The following REC114 variants were observed in gnomAD, a reference collection of about 807,000 sequenced individuals.
REC114 encodes meiotic recombination protein REC114.
In REC114, 27 loss-of-function variants were observed where a neutral mutation model predicts 31.3. The observed-to-expected ratio is 0.86, with a 90% CI of 0.64 to 1.19. REC114 has a LOEUF of 1.19. REC114 is among the 50% of genes most tolerant of loss of function. The pLI, the probability that REC114 is intolerant of heterozygous loss-of-function variation, is 0.00. For missense variants in REC114, 344 were observed against 326.9 expected (o/e 1.05, Z -0.40); for synonymous variants, 134 against 127.7 (o/e 1.05, Z -0.33).
At chr15:73,458,013 G>A (rs924463449) in intron 1 of REC114, among the ~76,000 whole-genome samples, 5 of 152,108 alleles carry the variant, frequency 3.3e-5, no homozygotes, top group African/African-American at 9.7e-5. Flanking sequence ...GTCTTTTGGG[G>A]TGCTTCTTGA....
At chr15:73,472,492 A>G (rs949345011) in intron 1 of REC114, among the ~76,000 whole-genome samples, 5 of 152,252 alleles carry the variant, frequency 3.3e-5, no homozygotes, top group East Asian at 1.9e-4. Flanking sequence ...GTATGAAACT[A>G]TAAGAGCATT....
chr15:73,538,560 C>CT (rs1275372862), intron 2 of REC114, among the ~76,000 whole-genome samples: 1 of 151,188 alleles, frequency 6.6e-6, no homozygotes, highest in African/African-American at 2.4e-5. Context: ...GGGTTCACGC[C>CT]TTTCTCCTAC....
intron 1 of REC114, among the ~76,000 whole-genome samples, chr15:73,471,713 T>G (rs1893135084): frequency 6.6e-6 from 1 of 151,834 alleles, no homozygotes; most frequent in Non-Finnish European, 1.5e-5. Context: ...ACAAGAGACA[T>G]ATGTAAGAAT....
chr15:73,497,179 T>G (rs1893540447), intron 2 of REC114, among the ~76,000 whole-genome samples: 1 of 152,194 alleles, frequency 6.6e-6, no homozygotes. Context: ...TTTTGAAGTA[T>G]GAAAATACCT....
intron 2 of REC114, among the ~76,000 whole-genome samples, chr15:73,539,530 T>G (rs1414248994): frequency 1.3e-5 from 2 of 150,288 alleles, no homozygotes; most frequent in African/African-American, 4.9e-5. Flanking sequence ...GGTTGTAAAT[T>G]TCTATGAAAG....
At chr15:73,474,803 G>C (rs887613955) in intron 2 of REC114, among the ~76,000 whole-genome samples, 1 of 152,092 alleles carries the variant, frequency 6.6e-6, no homozygotes, top group African/African-American at 2.4e-5. Context: ...ATTCTTTTTG[G>C]ATCACTTACA....
chr15:73,492,921 T>C (rs1451487372), intron 2 of REC114, among the ~76,000 whole-genome samples: 1 of 152,202 alleles, frequency 6.6e-6, no homozygotes, highest in Non-Finnish European at 1.5e-5. Flanking sequence ...TTGTGAAGTA[T>C]CTGTTGCAAT....
intron 2 of REC114, among the ~76,000 whole-genome samples, chr15:73,496,646 C>A (rs1893530994): frequency 6.8e-6 from 1 of 146,420 alleles, no homozygotes; most frequent in Non-Finnish European, 1.5e-5. Context: ...CGGTGAGACT[C>A]CATCCAAAAA....
At chr15:73,536,519 G>GAGCA (rs1894159120) in intron 2 of REC114, among the ~76,000 whole-genome samples, 1 of 152,178 alleles carries the variant, frequency 6.6e-6, no homozygotes, top group African/African-American at 2.4e-5. Flanking sequence ...TGAGAACACA[G>GAGCA]AGCAGGTCAC....
At chr15:73,527,596 A>T (rs960705274) in intron 2 of REC114, among the ~76,000 whole-genome samples, 3 of 152,182 alleles carry the variant, frequency 2.0e-5, no homozygotes, top group Admixed American at 2.0e-4. Flanking sequence ...ACTGTCTGAA[A>T]ATAGTTGCTT....
rs201594626 is a variant in REC114, at chr15:73,551,119, A to T, written c.515A>T (p.Asp172Val). ...AGGGCAACTGAAAGTCAAGGGAAGG[A>T]TTCTGCAAAGAGTGTCCCACGGCAG... ...PPRATESQGK[D>V]SAKSVPRQPG... Residue 172 changes from aspartate (D) to valine (V), a missense_variant, in exon 4 of 6, where the codon GAT (aspartate) becomes GTT (valine). Physicochemically the swap from Asp to Val is radical, Grantham distance 152. Coordinates refer to ENST00000331090, the MANE Select transcript of REC114 (RefSeq NM_001042367.2). 5 of 1,611,708 alleles carry T rather than the reference A, an allele frequency of 3.1e-6. No homozygotes were observed. Among genetic ancestry groups the T allele is most frequent in the Non-Finnish European group, 3.4e-6 (4 of 1,178,932 alleles).
intron 2 of REC114, among the ~76,000 whole-genome samples, chr15:73,474,552 T>C (rs1239296321): frequency 6.6e-6 from 1 of 152,198 alleles, no homozygotes; most frequent in Non-Finnish European, 1.5e-5. Context: ...AGTTATTATA[T>C]CATTTAGCTG....
At chr15:73,549,469 C>T (rs994360518) in intron 3 of REC114, among the ~76,000 whole-genome samples, 5 of 152,100 alleles carry the variant, frequency 3.3e-5, no homozygotes, top group Non-Finnish European at 5.9e-5. Flanking sequence ...TTTTTAAATA[C>T]ACGAGTATGG....
At chr15:73,526,063 C>A (rs1007536155) in intron 2 of REC114, among the ~76,000 whole-genome samples, 3 of 152,126 alleles carry the variant, frequency 2.0e-5, no homozygotes, top group African/African-American at 2.4e-5. Flanking sequence ...TAATTTAACC[C>A]TTTATCATAA....
At chr15:73,551,272 C>A in intron 4 of REC114, 122 bp downstream of exon 4, 1 of 1,002,584 alleles carries the variant, frequency 1.0e-6, no homozygotes. Context: ...CATCTATGTT[C>A]GGTGACTTTT....
At chr15:73,454,485 G>C (rs1219435697) in intron 1 of REC114, among the ~76,000 whole-genome samples, 2 of 152,130 alleles carry the variant, frequency 1.3e-5, no homozygotes, top group Non-Finnish European at 2.9e-5. Flanking sequence ...TATGATTAGA[G>C]AAAGGGCACA....
intron 2 of REC114, among the ~76,000 whole-genome samples, chr15:73,484,603 A>G (rs977451011): frequency 4.6e-5 from 7 of 152,188 alleles, no homozygotes; most frequent in African/African-American, 1.7e-4. Context: ...TTCCTTCTCA[A>G]TCCAGAAGTT....
At chr15:73,514,184 T>G (rs1429405899) in intron 2 of REC114, among the ~76,000 whole-genome samples, 1 of 151,264 alleles carries the variant, frequency 6.6e-6, no homozygotes, top group African/African-American at 2.4e-5. Context: ...AGCGCAATAT[T>G]CGGGTGGGAG....
At chr15:73,551,209 G>A in intron 4 of REC114, 59 bp downstream of exon 4, 2 of 1,446,356 alleles carry the variant, frequency 1.4e-6, no homozygotes, top group Non-Finnish European at 1.9e-6. Flanking sequence ...CACAATGAGT[G>A]GCCAAAATGA....
Sources: allele counts gnomAD v4.1 joint callset (sites outside exome capture counted in the v4.1 genomes callset), GRCh38; gene constraint gnomAD v4.1.1; transcripts MANE v1.5; gene names NCBI Gene and HGNC (gene_info 2026-07-23, HGNC 2026-07-21).